The following GPN3 variants were observed in gnomAD, a reference collection of about 807,000 sequenced individuals.
GPN3 encodes the protein ATP-binding domain 1 family member C.
Under a neutral mutation model 38.7 loss-of-function variants are expected in GPN3, and 31 were observed. The ratio of observed to expected loss-of-function variants is 0.80; its 90% CI spans 0.60 to 1.08. GPN3 has a LOEUF of 1.08. Among genes scored for constraint, GPN3 ranks in the 50% least tolerant of loss-of-function variants. The pLI, the probability that GPN3 is intolerant of heterozygous loss-of-function variation, is 0.00. For missense variants in GPN3, 301 were observed against 354.4 expected, an observed-to-expected ratio of 0.85 and a Z score of 1.21; for synonymous variants, 116 against 120.2, an observed-to-expected ratio of 0.96 and a Z score of 0.23.
chr12:110,467,271 T>C (rs2062638393), intron 1 of GPN3, among the ~76,000 whole-genome samples: 1 of 152,148 alleles, frequency 6.6e-6, no homozygotes. Context: ...ATTACAGACG[T>C]GAGCCACCAC....
At position 110,459,833 on chromosome 12, in the gene GPN3, C is replaced by T; in HGVS notation, c.187G>A (p.Val63Ile). The T allele has an allele frequency of 6.2e-7, 1 of 1,614,010 alleles. No individual in the cohort carries two copies. Among genetic ancestry groups the T allele is most frequent in the Non-Finnish European group, 8.5e-7 (1 of 1,179,858 alleles). Residue 63 changes from valine to isoleucine, a missense_variant, in exon 3 of 8, where the codon GTA becomes ATA. Physicochemically the swap from Val to Ile is conservative, Grantham distance 29. Coordinates refer to ENST00000228827, the MANE Select transcript of GPN3 (RefSeq NM_016301.4). ...AATCGCAGAGAATCATCCTCCATTA[C>T]ATCATCCACCTCGATCAGTTCCCGG... ...DIRELIEVDD[V>I]MEDDSLRFGP...
At chr12:110,461,538 T>G (rs2062590324) in intron 2 of GPN3, among the ~76,000 whole-genome samples, 1 of 151,792 alleles carries the variant, frequency 6.6e-6, no homozygotes, top group Admixed American at 6.6e-5. Context: ...AGGCAGAGGA[T>G]GTAGTGAGAT....
chr12:110,457,717 G>T, intron 3 of GPN3, 83 bp from the exon 4 acceptor site: 1 of 1,016,864 alleles, frequency 9.8e-7, no homozygotes, highest in Non-Finnish European at 1.4e-6. Flanking sequence ...TTCCCCATAA[G>T]ATGGACAAAA....
At chr12:110,463,671 C>G (rs375398008) in intron 2 of GPN3, among the ~76,000 whole-genome samples, 29 of 143,228 alleles carry the variant, frequency 2.0e-4, no homozygotes, top group African/African-American at 7.6e-4. Flanking sequence ...TGGTGGCACG[C>G]ATCTGTAGTC....
Position 110,454,688 on chromosome 12 carries a change from T to C in GPN3, c.664-817A>G, listed in dbSNP as rs189670612. ...TTTTTGTTTTTTTTTGAGATAGGGTTTCTCTGCTGCCTAGGCTAGAGCACA... is the reference window on the plus strand; with the variant it reads ...TTTTTGTTTTTTTTTGAGATAGGGTCTCTCTGCTGCCTAGGCTAGAGCACA... On this transcript the variant is annotated intron_variant, in intron 6 of 7. Transcript: ENST00000228827. Among the ~76,000 whole-genome samples, 1,298 of 151,864 alleles carry C rather than the reference T, an allele frequency of 8.5e-3. 2 individuals carry two copies. The highest frequency in any genetic ancestry group is 9.4e-3 in the Non-Finnish European group (635 of 67,914).
chr12:110,461,038 C>A, intron 2 of GPN3: 2 of 1,589,516 alleles, frequency 1.3e-6, no homozygotes, highest in Non-Finnish European at 1.7e-6. Context: ...ATTCTGCCAT[C>A]AACGAAGTGG....
Position 110,465,105 on chromosome 12 carries a change from C to G in GPN3, c.157+1G>C. ...GGGGGGAGCCTTTGCTCAGGACTTA[C>G]CAGCCATCACGGAGTAGTTGAAGTG... On this transcript the variant is annotated splice_donor_variant, in intron 2 of 7. Coordinates refer to ENST00000228827, the MANE Select transcript of GPN3 (RefSeq NM_016301.4). LOFTEE classifies it high-confidence loss of function. 6.5e-7 allele frequency: 1 copy of G among 1,541,082 alleles called. No homozygotes were observed. The highest frequency in any genetic ancestry group is 9.0e-7 in the Non-Finnish European group (1 of 1,113,262).
upstream of GPN3, chr12:110,468,398 AG>A: frequency 2.0e-6 from 3 of 1,528,544 alleles, no homozygotes; most frequent in Admixed American, 2.0e-5. Flanking sequence ...GGGAGGGGCG[AG>A]GGAGAGGATT....
chr12:110,468,196 C>A lies in GPN3; in HGVS notation c.8G>T (p.Arg3Leu). The change falls in exon 1 of 8, where the codon CGG (arginine) becomes CTG (leucine). Residue 3 changes from arginine (R) to leucine (L), a missense_variant. Physicochemically the swap from Arg to Leu is moderately radical, Grantham distance 102. Coordinates refer to ENST00000228827, the MANE Select transcript of GPN3 (RefSeq NM_016301.4). MP[R>L]YAQLVMGPAG... is the part of the protein sequence containing the mutation. ...GGGGCCCATGACCAGCTGCGCATAC[C>A]GAGGCATGTTGGCTCCCGGAGCCGC... 1.2e-6 allele frequency: 2 copies of A among 1,608,386 alleles called. No homozygotes were observed. Among genetic ancestry groups the A allele is most frequent in the Non-Finnish European group, 1.7e-6 (2 of 1,179,972 alleles).
In GPN3 at chr12:110,465,080, G is replaced by A. The variant is rs746724355; in HGVS notation, c.157+26C>T. The A allele has an allele frequency of 1.1e-5, 13 of 1,185,458 alleles. No individual in the cohort carries two copies. In the East Asian group the frequency reaches 1.2e-4, roughly 11 times the overall value. 73.4% of individuals were successfully genotyped at this position (1,185,458 alleles called of 1,614,324 possible). A position where few individuals can be genotyped will look rare whatever the true frequency, so the allele number is the denominator to read the frequency against. On this transcript the variant is annotated intron_variant, in intron 2 of 7. Transcript: ENST00000228827. ...CCCAGCCCTTACTGTTCCTGAAGGT[G>A]GGGGGAGCCTTTGCTCAGGACTTAC...
chr12:110,462,563 T>G (rs1428708646), intron 2 of GPN3, among the ~76,000 whole-genome samples: 1 of 152,198 alleles, frequency 6.6e-6, no homozygotes, highest in Non-Finnish European at 1.5e-5. Flanking sequence ...CCTGGCTAAC[T>G]ACAACAGCGG....
chr12:110,461,159 G>A (rs2062585503), intron 2 of GPN3: 1 of 1,306,016 alleles, frequency 7.7e-7, no homozygotes, highest in South Asian at 1.2e-5. Context: ...GAAGGAGATG[G>A]GAACTCCAGA....
At position 110,468,221 on chromosome 12, in the gene GPN3, C is replaced by G. The variant is rs779885223; in HGVS notation, c.-18G>C. ...CGAGGCATGTTGGCTCCCGGAGCCG[C>G]CCGCCACACTCCCTTAGCCTTCGCG... On this transcript the variant is annotated 5_prime_UTR_variant, in exon 1 of 8. Transcript: ENST00000228827. 1 of 1,605,946 alleles carries G rather than the reference C, an allele frequency of 6.2e-7. No homozygotes were observed. The highest frequency in any genetic ancestry group is 8.5e-7 in the Non-Finnish European group (1 of 1,179,844).
intron 2 of GPN3, 134 bp downstream of exon 2, chr12:110,464,972 G>T (rs2062616882): frequency 1.5e-6 from 1 of 668,666 alleles, no homozygotes; most frequent in East Asian, 2.7e-5. Flanking sequence ...GTGACCAAAT[G>T]ACAAGCTCAT....
chr12:110,462,915 C>T lies in GPN3; in HGVS notation c.157+2191G>A, dbSNP rs149311197. Among the ~76,000 whole-genome samples, 1,175 of 152,340 alleles carry T rather than the reference C, an allele frequency of 7.7e-3. 6 individuals carry two copies. The highest frequency in any genetic ancestry group is 0.014 in the Middle Eastern group (4 of 294). The stretch of plus-strand genomic sequence containing the variant: ...GGGACCACAGGCGCCCGCCACCATG[C>T]CCGGCTAGTTTTTTGTATTTTTAGT... On this transcript the variant is annotated intron_variant, in intron 2 of 7. Coordinates refer to ENST00000228827, the MANE Select transcript of GPN3 (RefSeq NM_016301.4).
At chr12:110,460,283 C>T (rs1265700150) in intron 2 of GPN3, among the ~76,000 whole-genome samples, 1 of 152,216 alleles carries the variant, frequency 6.6e-6, no homozygotes, top group African/African-American at 2.4e-5. Flanking sequence ...GTAACACTGG[C>T]TGCTGCCAGG....
intron 2 of GPN3, among the ~76,000 whole-genome samples, chr12:110,464,418 C>G (rs948566213): frequency 3.9e-5 from 6 of 151,904 alleles, no homozygotes; most frequent in Non-Finnish European, 8.8e-5. Context: ...ACTCCGGTGT[C>G]TGGCGTAAAA....
At chr12:110,462,151 C>A (rs2135524313) in intron 2 of GPN3, among the ~76,000 whole-genome samples, 1 of 152,238 alleles carries the variant, frequency 6.6e-6, no homozygotes, top group South Asian at 2.1e-4. Flanking sequence ...CCTAAGTCCT[C>A]TTTTTAACTA....
At chr12:110,454,224 T>C (rs1243376052) in intron 6 of GPN3, among the ~76,000 whole-genome samples, 1 of 152,174 alleles carries the variant, frequency 6.6e-6, no homozygotes, top group Non-Finnish European at 1.5e-5. Context: ...TACCAATAAC[T>C]ACTTCTAAAT....
Sources: gnomAD v4.1 joint callset for allele counts (sites outside exome capture counted in the v4.1 genomes callset) on GRCh38, gnomAD v4.1.1 for gene constraint, MANE v1.5 for transcripts, NCBI Gene and HGNC (gene_info 2026-07-23, HGNC 2026-07-21) for gene names.